The following KCNJ15 variants were observed in gnomAD, a reference collection of about 807,000 sequenced individuals.
KCNJ15 encodes potassium inwardly rectifying channel subfamily J member 15, also known as ATP-sensitive inward rectifier potassium channel 15.
In KCNJ15, 14 loss-of-function variants were observed where a neutral mutation model predicts 23.0. The observed-to-expected ratio is 0.61, with a 90% confidence interval of 0.40 to 0.95. The LOEUF is 0.95. KCNJ15 is among the 40% of genes least tolerant of loss of function. KCNJ15 has a pLI of 0.00. For missense variants in KCNJ15, 388 were observed against 461.8 expected (o/e 0.84, Z 1.46); for synonymous variants, 185 against 183.2 (o/e 1.01, Z -0.08).
intron 1 of KCNJ15, among the ~76,000 whole-genome samples, chr21:38,264,199 C>G (rs1431298709): frequency 6.6e-6 from 1 of 152,222 alleles, no homozygotes; most frequent in African/African-American, 2.4e-5. Context: ...AAGACAATGT[C>G]CATTTTCCTC....
Position 38,299,241 on chromosome 21 carries a change from A to G in KCNJ15, c.-18-3A>G, listed in dbSNP as rs752579020. 3.1e-6 allele frequency: 5 copies of G among 1,593,036 alleles called. No individual in the cohort carries two copies. The East Asian group carries it at 6.7e-5, about 21-fold the overall frequency. On this transcript the variant is annotated splice_polypyrimidine_tract_variant and splice_region_variant and intron_variant, in intron 2 of 2. Transcript: ENST00000398938. The surrounding 1 kb of genome is among the most constrained non-coding windows in gnomAD (Gnocchi z 4.5). Reference sequence around the variant, plus strand: ...AATGAAACATCTTTGTCATTTCTCTAAGTGTTTCCAGAGCCTGGCAATGGA... The same window carrying G: ...AATGAAACATCTTTGTCATTTCTCTGAGTGTTTCCAGAGCCTGGCAATGGA...
chr21:38,277,361 A>C (rs1982827174), intron 1 of KCNJ15, among the ~76,000 whole-genome samples: 1 of 152,098 alleles, frequency 6.6e-6, no homozygotes, highest in African/African-American at 2.4e-5. Flanking sequence ...AACAAGTAGG[A>C]CCCGCAGTAA....
Position 38,304,660 on chromosome 21 carries a change from A to ATTTTT in KCNJ15, c.*4272_*4273insTTTTT, listed in dbSNP as rs1167512010. On this transcript the variant is annotated 3_prime_UTR_variant, in exon 3 of 3. Transcript: ENST00000398938. ...CTTTACCCTTTGTAAACTTCAATTT[A>ATTTTT]TCTTTTTTTTTTTTTTTTTTTTTTT... is the stretch of plus-strand genomic sequence containing the variant. 2 of 41,114 alleles carry ATTTTT rather than the reference A, an allele frequency of 4.9e-5. No individual in the cohort carries two copies. The highest frequency in any genetic ancestry group is 1.4e-4 in the Non-Finnish European group (2 of 14,364). 2.5% of individuals were successfully genotyped at this position (41,114 alleles called of 1,614,324 possible). A position where few individuals can be genotyped will look rare whatever the true frequency, so the allele number is the denominator to read the frequency against.
chr21:38,303,544 G>T lies in KCNJ15; in HGVS notation c.*3155G>T, dbSNP rs959864048. 6.6e-6 allele frequency: 1 copy of T among 151,862 alleles called. No individual in the cohort carries two copies. The highest frequency in any genetic ancestry group is 2.4e-5 in the African/African-American group (1 of 41,324). 9.4% of individuals were successfully genotyped at this position (151,862 alleles called of 1,614,324 possible). ...ACCCAACCCCACTCCTTTGGGATGGGGTTGGGAGTCATGCATTGGCTCCCT... is the reference window on the plus strand; with the variant it reads ...ACCCAACCCCACTCCTTTGGGATGGTGTTGGGAGTCATGCATTGGCTCCCT... On this transcript the variant is annotated 3_prime_UTR_variant, in exon 3 of 3. Transcript: ENST00000398938.
chr21:38,294,695 A>G (rs1186982437), intron 1 of KCNJ15, among the ~76,000 whole-genome samples: 2 of 152,174 alleles, frequency 1.3e-5, no homozygotes, highest in African/African-American at 4.8e-5. Context: ...TGTGTCCCCA[A>G]CACTGGAAGT....
chr21:38,274,958 A>G (rs1429909414), intron 1 of KCNJ15, among the ~76,000 whole-genome samples: 3 of 151,994 alleles, frequency 2.0e-5, no homozygotes, highest in Non-Finnish European at 2.9e-5. Flanking sequence ...TGATTCTTCA[A>G]TTTCCACCTC....
upstream of KCNJ15, chr21:38,256,988 T>C (rs1422374579): frequency 7.0e-6 from 1 of 143,222 alleles, no homozygotes; most frequent in East Asian, 2.4e-4. Flanking sequence ...CCTTTCTCTC[T>C]TCAGTTCCTC....
At chr21:38,283,292 A>T (rs144289183) in intron 1 of KCNJ15, among the ~76,000 whole-genome samples, 9 of 152,330 alleles carry the variant, frequency 5.9e-5, no homozygotes, top group Admixed American at 5.9e-4. Context: ...GAATTTTCAG[A>T]TTAACTGCAT....
At chr21:38,261,790 G>T (rs1176291961) in intron 1 of KCNJ15, among the ~76,000 whole-genome samples, 1 of 152,190 alleles carries the variant, frequency 6.6e-6, no homozygotes, top group Admixed American at 6.5e-5. Flanking sequence ...TATGCTAGTT[G>T]TGCCACTAGA....
At chr21:38,288,026 CTTTGTTTTTTTTTTTTTTT>C (rs1159696233) in intron 1 of KCNJ15, among the ~76,000 whole-genome samples, 2 of 78,170 alleles carry the variant, frequency 2.6e-5, no homozygotes, top group East Asian at 4.0e-4. Flanking sequence ...TTGTTTTTTT[CTTTGTTTTTTTTTTTTTTT>C]TTTTTTTTTT....
intron 1 of KCNJ15, among the ~76,000 whole-genome samples, chr21:38,266,772 C>G (rs562473820): frequency 1.4e-4 from 21 of 152,140 alleles, no homozygotes; most frequent in Non-Finnish European, 3.1e-4. Flanking sequence ...TCTTGCTAAC[C>G]TCTTTAGAGA....
At chr21:38,291,097 A>G (rs941914733) in intron 1 of KCNJ15, among the ~76,000 whole-genome samples, 4 of 152,062 alleles carry the variant, frequency 2.6e-5, no homozygotes, top group Non-Finnish European at 4.4e-5. Flanking sequence ...ACAAATGTGC[A>G]ATGTGGCTCT....
intron 1 of KCNJ15, chr21:38,238,533 C>T (rs1418882995): frequency 4.7e-6 from 3 of 640,118 alleles, no homozygotes; most frequent in Non-Finnish European, 8.9e-6. Flanking sequence ...CCGGCAATGC[C>T]ACCGGGACAT....
intron 1 of KCNJ15, among the ~76,000 whole-genome samples, chr21:38,247,077 GATGGATGGATGGATGGATGGATGC>G (rs778981803): frequency 0.26 from 20,555 of 78,708 alleles, 1,084 homozygotes; most frequent in African/African-American, 0.42. Context: ...TGGATGGATG[GATGGATGGATGGATGGATGGATGC>G]ATGGATGGAT....
intron 1 of KCNJ15, among the ~76,000 whole-genome samples, chr21:38,262,979 A>T (rs1215288434): frequency 6.6e-6 from 1 of 152,170 alleles, no homozygotes; most frequent in Non-Finnish European, 1.5e-5. Context: ...TGCCTGGCCG[A>T]CATTGATATC....
intron 1 of KCNJ15, among the ~76,000 whole-genome samples, chr21:38,263,002 C>T (rs1236011488): frequency 6.6e-6 from 1 of 152,108 alleles, no homozygotes; most frequent in African/African-American, 2.4e-5. Flanking sequence ...AACGTCACTC[C>T]TTAAAACGAG....
rs1386460029 is a variant in KCNJ15 at position 38,307,144 on chromosome 21, A to G, written c.*6755A>G. 6.6e-6 allele frequency: 1 copy of G among 152,208 alleles called. No homozygotes were observed. Among genetic ancestry groups the G allele is most frequent in the Non-Finnish European group, 1.5e-5 (1 of 68,036 alleles). The allele number at this position is 152,208 out of a possible 1,614,324, so 9.4% of individuals were successfully genotyped here. On this transcript the variant is annotated 3_prime_UTR_variant, in exon 3 of 3. Transcript: ENST00000398938. The stretch of plus-strand genomic sequence containing the variant: ...TGGTGCATGTCGGAAATCTCACACT[A>G]ACTGTGGATACTCTGTCATCACTGA...
chr21:38,269,095 G>C (rs1360148738), intron 1 of KCNJ15: 1 of 152,184 alleles, frequency 6.6e-6, no homozygotes, highest in African/African-American at 2.4e-5. Flanking sequence ...ATGATTTTTT[G>C]TGAAAGTGTT....
intron 1 of KCNJ15, among the ~76,000 whole-genome samples, chr21:38,264,177 C>T (rs1452076881): frequency 6.6e-6 from 1 of 152,230 alleles, no homozygotes; most frequent in African/African-American, 2.4e-5. Context: ...CTGTATTTTA[C>T]AATTCTTTTG....
Sources: allele counts gnomAD v4.1 joint callset (sites outside exome capture counted in the v4.1 genomes callset), GRCh38; gene constraint gnomAD v4.1.1; non-coding constraint Gnocchi (gnomAD v3.1); transcripts MANE v1.5; gene names NCBI Gene and HGNC (gene_info 2026-07-23, HGNC 2026-07-21).